Variants in TENM2 observed in about 807,000 individuals in gnomAD.
TENM2 encodes the protein teneurin transmembrane protein 2.
A neutral mutation model predicts 245.2 loss-of-function variants in TENM2; 52 were observed. That is an observed-to-expected ratio of 0.21 (90% confidence interval 0.17 to 0.27). The LOEUF (loss-of-function observed/expected upper bound fraction) is 0.27. Ranked by LOEUF, TENM2 falls within the 10% of genes least tolerant of loss-of-function variation. The pLI, the probability that TENM2 is intolerant of heterozygous loss-of-function variation, is 1.00. For synonymous variants in TENM2, 1,363 were observed against 1,438.9 expected (o/e 0.95, Z 1.19); for missense variants, 3,046 against 3,666.8 (o/e 0.83, Z 4.37).
chr5:168,011,615 G>GT (rs778056420), intron 5 of TENM2, among the ~76,000 whole-genome samples: 154 of 152,198 alleles, frequency 1.0e-3, no homozygotes, highest in Admixed American at 1.7e-3. Context: ...CTTTGGCTCT[G>GT]TGTCCCTCGT....
intron 1 of TENM2, chr5:167,306,240 T>A (rs1445803067): frequency 1.3e-5 from 2 of 152,216 alleles, no homozygotes; most frequent in Non-Finnish European, 2.9e-5. Context: ...GAAAGCACGT[T>A]TCAATCAGAT....
intron 2 of TENM2, among the ~76,000 whole-genome samples, chr5:167,496,153 G>T (rs978902024): frequency 1.3e-5 from 2 of 152,008 alleles, no homozygotes; most frequent in African/African-American, 4.8e-5. Context: ...TTCCAGGGTA[G>T]TGTTGTAATT....
intron 3 of TENM2, among the ~76,000 whole-genome samples, chr5:167,943,763 G>A (rs1035392913): frequency 7.2e-5 from 11 of 152,164 alleles, no homozygotes; most frequent in Admixed American, 4.6e-4. Context: ...TAAACTTCTC[G>A]ACAGGGAGTG....
chr5:167,039,758 C>G, the TENM2 span, among the ~76,000 whole-genome samples: 4,332 of 151,400 alleles, frequency 0.029, 208 homozygotes, highest in African/African-American at 0.099. Context: ...ACAACTATAA[C>G]TAAAATAACT....
intron 9 of TENM2, among the ~76,000 whole-genome samples, chr5:168,104,437 T>G (rs1794082451): frequency 6.6e-6 from 1 of 152,164 alleles, no homozygotes; most frequent in Non-Finnish European, 1.5e-5. Context: ...TGCCCGGAAT[T>G]CCCTGGCTCT....
At chr5:168,215,383 C>T in intron 21 of TENM2, 111 bp downstream of exon 23, 1 of 828,186 alleles carries the variant, frequency 1.2e-6, no homozygotes, top group Non-Finnish European at 2.0e-6. Flanking sequence ...ACAGCTTTCC[C>T]TGTAATCATT....
At chr5:167,071,689 A>G in the TENM2 span, among the ~76,000 whole-genome samples, 1 of 152,152 alleles carries the variant, frequency 6.6e-6, no homozygotes, top group South Asian at 2.1e-4. Flanking sequence ...TGTGTGCCAG[A>G]AGCATCTTCT....
At chr5:167,995,184 G>C (rs1783962558) in intron 5 of TENM2, among the ~76,000 whole-genome samples, 1 of 152,164 alleles carries the variant, frequency 6.6e-6, no homozygotes, top group Admixed American at 6.5e-5. Context: ...GAGACAGATG[G>C]CTCCTGCCTG....
intron 1 of TENM2, among the ~76,000 whole-genome samples, chr5:167,370,207 T>C (rs1760322859): frequency 6.6e-6 from 1 of 151,568 alleles, no homozygotes; most frequent in South Asian, 2.1e-4. Flanking sequence ...CTGGGTGTAG[T>C]GGCGGGTGCC....
rs768002764 is a variant in TENM2 at position 168,218,094 on chromosome 5, G to A, written c.4234-31G>A. ...TTAAACGTTGGACATATTAAAGGCTGTTCTTTAATCTGATACCACGTCATC... is the reference window on the plus strand; with the variant it reads ...TTAAACGTTGGACATATTAAAGGCTATTCTTTAATCTGATACCACGTCATC... On this transcript the variant is annotated intron_variant, in intron 22 of 28. Coordinates refer to ENST00000518659, the Ensembl canonical transcript of TENM2. This position sits in a 1 kb window ranked among gnomAD's most constrained non-coding sequence, Gnocchi z 5.2. 8.8e-6 allele frequency: 14 copies of A among 1,595,358 alleles called. 1 individual carries two copies. The highest frequency in any genetic ancestry group is 5.6e-5 in the South Asian group (5 of 89,342).
chr5:167,846,272 A>G (rs917725770), intron 2 of TENM2, among the ~76,000 whole-genome samples: 4 of 152,220 alleles, frequency 2.6e-5, no homozygotes, highest in African/African-American at 9.6e-5. Context: ...GTCAGCCCCC[A>G]GTGAATATTG....
chr5:167,367,013 C>G (rs917162225), intron 1 of TENM2, among the ~76,000 whole-genome samples: 1 of 152,078 alleles, frequency 6.6e-6, no homozygotes, highest in African/African-American at 2.4e-5. Flanking sequence ...TCAGCAGAAC[C>G]CTTTTGTTGT....
the TENM2 span, among the ~76,000 whole-genome samples, chr5:167,033,409 A>G: frequency 3.3e-5 from 5 of 152,170 alleles, no homozygotes; most frequent in African/African-American, 4.8e-5. Flanking sequence ...AGCCATTTCA[A>G]TTTCATTTCT....
At chr5:168,211,898 T>A (rs1393591550) in intron 20 of TENM2, 144 bp downstream of exon 22, 1 of 551,260 alleles carries the variant, frequency 1.8e-6, no homozygotes, top group African/African-American at 2.0e-5. Context: ...TAATTGTGTG[T>A]TGTGGATATG....
intron 3 of TENM2, among the ~76,000 whole-genome samples, chr5:167,903,305 C>T (rs545275709): frequency 1.2e-4 from 19 of 152,108 alleles, no homozygotes; most frequent in African/African-American, 3.6e-4. Context: ...TCTAAGCTCA[C>T]GAAGCTTCTC....
chr5:168,158,316 A>G (rs1195236456), intron 12 of TENM2, among the ~76,000 whole-genome samples: 2 of 152,132 alleles, frequency 1.3e-5, no homozygotes, highest in African/African-American at 4.8e-5. Context: ...GATCTCAGAG[A>G]GGAAGTCTCT....
At chr5:168,145,534 A>G (rs1755978865) in intron 12 of TENM2, among the ~76,000 whole-genome samples, 1 of 140,020 alleles carries the variant, frequency 7.1e-6, no homozygotes, top group African/African-American at 2.7e-5. Context: ...TGTTCCATTG[A>G]TCTATATCTC....
At chr5:167,670,379 CAATG>C (rs1368875986) in intron 2 of TENM2, among the ~76,000 whole-genome samples, 1 of 152,114 alleles carries the variant, frequency 6.6e-6, no homozygotes, top group Non-Finnish European at 1.5e-5. Flanking sequence ...GATCCAATGT[CAATG>C]AAAGTGTGTC....
intron 1 of TENM2, among the ~76,000 whole-genome samples, chr5:167,301,606 GA>G (rs796815022): frequency 3.6e-4 from 55 of 152,328 alleles, no homozygotes; most frequent in African/African-American, 1.3e-3. Context: ...GTTGGGAGCA[GA>G]TTGGATAATA....
Sources: gnomAD v4.1 joint callset for allele counts (sites outside exome capture counted in the v4.1 genomes callset) on GRCh38, gnomAD v4.1.1 for gene constraint, Gnocchi (gnomAD v3.1) non-coding constraint, MANE v1.5 for transcripts, NCBI Gene and HGNC (gene_info 2026-07-23, HGNC 2026-07-21) for gene names.